Variants in TENM3 observed in about 807,000 individuals in gnomAD.
TENM3 encodes the protein teneurin-3.
TENM3 carries 63 observed loss-of-function variants against 255.1 expected under a neutral mutation model. The ratio of observed to expected loss-of-function variants is 0.25; its 90% CI spans 0.20 to 0.30. The LOEUF (loss-of-function observed/expected upper bound fraction) is 0.30, where lower values mean the gene tolerates loss of function less well. TENM3 is among the 10% of genes least tolerant of loss of function. The pLI is 1.00. For synonymous variants in TENM3, 1,306 were observed against 1,322.3 expected (o/e 0.99, Z 0.27); for missense variants, 2,929 against 3,461.1 (o/e 0.85, Z 3.86).
chr4:182,367,217 C>T (rs1194726365), intron 3 of TENM3, among the ~76,000 whole-genome samples: 2 of 152,108 alleles, frequency 1.3e-5, no homozygotes, highest in South Asian at 2.1e-4. Context: ...TAGTTGGAAC[C>T]GCTCCAGGAA....
intron 3 of TENM3, among the ~76,000 whole-genome samples, chr4:182,368,014 C>G (rs1766546784): frequency 6.6e-6 from 1 of 152,136 alleles, no homozygotes; most frequent in South Asian, 2.1e-4. Context: ...ACTCCAATAC[C>G]AGCTAAGGTG....
chr4:181,922,038 A>T, the TENM3 span, among the ~76,000 whole-genome samples: 18 of 152,142 alleles, frequency 1.2e-4, no homozygotes, highest in Non-Finnish European at 2.4e-4. Flanking sequence ...GATTACATTT[A>T]TTGATTTGCA....
intron 3 of TENM3, among the ~76,000 whole-genome samples, chr4:182,446,541 G>A (rs538539435): frequency 6.6e-6 from 1 of 151,956 alleles, no homozygotes; most frequent in South Asian, 2.1e-4. Flanking sequence ...GAACGTTCTA[G>A]TCCAAGTCCA....
chr4:182,003,753 A>G, the TENM3 span, among the ~76,000 whole-genome samples: 2 of 151,912 alleles, frequency 1.3e-5, no homozygotes, highest in African/African-American at 2.4e-5. Context: ...GATTAGATTT[A>G]CCAGCCTACA....
intron 19 of TENM3, among the ~76,000 whole-genome samples, chr4:182,744,782 A>G (rs1050408168): frequency 5.9e-5 from 9 of 152,168 alleles, no homozygotes; most frequent in Admixed American, 4.6e-4. Flanking sequence ...CATTGCCATT[A>G]TTATGGAGGA....
chr4:181,961,915 ATAAAAT>A, the TENM3 span, among the ~76,000 whole-genome samples: 1,683 of 152,146 alleles, frequency 0.011, 25 homozygotes, highest in Non-Finnish European at 0.014. Flanking sequence ...TTTTAGAAAG[ATAAAAT>A]TTAAATTTTA....
intron 3 of TENM3, among the ~76,000 whole-genome samples, chr4:182,561,452 A>C (rs1047265467): frequency 6.6e-5 from 10 of 151,816 alleles, no homozygotes; most frequent in African/African-American, 2.2e-4. Context: ...ATATTAAAAA[A>C]AAAAGGAAAG....
At chr4:182,140,079 A>G (rs1125145), upstream of TENM3, among the ~76,000 whole-genome samples, 56,697 of 152,230 alleles carry the variant, frequency 0.37, 11,364 homozygotes, top group Non-Finnish European at 0.46. Flanking sequence ...CAGCCAAGGG[A>G]TAAGTTATTT....
chr4:181,855,504 A>AT, the TENM3 span, among the ~76,000 whole-genome samples: 1 of 152,168 alleles, frequency 6.6e-6, no homozygotes, highest in Non-Finnish European at 1.5e-5. Context: ...CAAGTACGTT[A>AT]TTTTTGGTAA....
At chr4:182,524,519 T>A (rs1229721956) in intron 3 of TENM3, among the ~76,000 whole-genome samples, 1 of 151,828 alleles carries the variant, frequency 6.6e-6, no homozygotes. Context: ...CCACCATGCC[T>A]GGCTATTTTA....
rs996180065 is a variant in TENM3, at chr4:182,524,374, T to A, written c.512-76550T>A. ...GAGCTTTTTTTTTTTTTTTTTTTTT[T>A]TTTTTGAGTCAGAGTCTCTCTCTGT... On this transcript the variant is annotated intron_variant, in intron 3 of 27. Coordinates refer to ENST00000511685, the MANE Select transcript of TENM3 (RefSeq NM_001080477.4). 2.2e-4 allele frequency among the ~76,000 whole-genome samples: 31 copies of A among 141,424 alleles called. No individual in the cohort carries two copies. In the Admixed American group the frequency reaches 2.2e-3, roughly 10 times the overall value. 92.8% of individuals were successfully genotyped at this position (141,424 alleles called of 152,430 possible).
chr4:181,687,710 T>A, the TENM3 span, among the ~76,000 whole-genome samples: 2 of 152,094 alleles, frequency 1.3e-5, no homozygotes, highest in Admixed American at 6.6e-5. Context: ...CATGAAGCCA[T>A]CACCTCTTTT....
At chr4:181,769,535 T>C in the TENM3 span, among the ~76,000 whole-genome samples, 5 of 152,202 alleles carry the variant, frequency 3.3e-5, no homozygotes, top group Non-Finnish European at 5.9e-5. Flanking sequence ...TAAAACTTAT[T>C]TGTAATTATT....
At chr4:182,617,902 A>G (rs1168791054) in intron 4 of TENM3, among the ~76,000 whole-genome samples, 1 of 152,178 alleles carries the variant, frequency 6.6e-6, no homozygotes, top group Non-Finnish European at 1.5e-5. Context: ...ATACGATATA[A>G]TAGATGTTAC....
the TENM3 span, among the ~76,000 whole-genome samples, chr4:181,785,792 T>C: frequency 6.7e-6 from 1 of 149,566 alleles, no homozygotes; most frequent in South Asian, 2.1e-4. Flanking sequence ...ATCTTTCTCT[T>C]TTTCTGTCTT....
chr4:182,046,549 AAATAAT>A, the TENM3 span, among the ~76,000 whole-genome samples: 3,932 of 142,950 alleles, frequency 0.028, 170 homozygotes, highest in African/African-American at 0.092. Context: ...ACAAAAAACT[AAATAAT>A]AATAATAATA....
chr4:181,849,189 C>T, the TENM3 span, among the ~76,000 whole-genome samples: 1 of 152,156 alleles, frequency 6.6e-6, no homozygotes, highest in Non-Finnish European at 1.5e-5. Flanking sequence ...AAAGGAGGAA[C>T]ATTACTCCCC....
chr4:181,610,423 G>A, the TENM3 span, among the ~76,000 whole-genome samples: 22 of 152,226 alleles, frequency 1.4e-4, no homozygotes, highest in Middle Eastern at 6.8e-3. Flanking sequence ...TTTTGCATGC[G>A]TGACTGAATT....
the TENM3 span, among the ~76,000 whole-genome samples, chr4:182,048,839 G>A: frequency 6.6e-6 from 1 of 152,086 alleles, no homozygotes; most frequent in South Asian, 2.1e-4. Context: ...TAAAAATACT[G>A]TGTCTATTAT....
Sources: allele counts gnomAD v4.1 joint callset (sites outside exome capture counted in the v4.1 genomes callset), GRCh38; gene constraint gnomAD v4.1.1; transcripts MANE v1.5; gene names NCBI Gene and HGNC (gene_info 2026-07-23, HGNC 2026-07-21).